The following TAL1 variants were observed in gnomAD, a reference collection of about 807,000 sequenced individuals.
TAL1 encodes the protein T-cell acute lymphocytic leukemia protein 1.
In TAL1, 8 loss-of-function variants were observed where a neutral mutation model predicts 17.9. The ratio of observed to expected loss-of-function variants is 0.45; its 90% CI spans 0.26 to 0.81. The LOEUF (loss-of-function observed/expected upper bound fraction) is 0.81, where lower values mean the gene tolerates loss of function less well. Among genes scored for constraint, TAL1 ranks in the 30% least tolerant of loss-of-function variants. The pLI, the probability that TAL1 is intolerant of heterozygous loss-of-function variation, is 0.17. For missense variants in TAL1, 466 were observed against 486.9 expected, an observed-to-expected ratio of 0.96 and a Z score of 0.40; for synonymous variants, 223 against 218.6, an observed-to-expected ratio of 1.02 and a Z score of -0.18.
rs539277429 is a variant in TAL1, at chr1:47,225,412, AGCCCCTG to A, written c.446+24_446+30del. The A allele has an allele frequency of 7.8e-4, 948 of 1,220,876 alleles. 5 individuals carry two copies. In the African/African-American group the frequency reaches 0.012, roughly 16 times the overall value. The allele number at this position is 1,220,876 out of a possible 1,614,324, so 75.6% of individuals were successfully genotyped here. Reference sequence around the variant, plus strand: ...GGGTGGTCGCCCTGCCCACCCGCCCAGCCCCTGGCCCCTGGCCCCTGGCCCCTGACCT... The same window carrying A: ...GGGTGGTCGCCCTGCCCACCCGCCCAGCCCCTGGCCCCTGGCCCCTGACCT... On this transcript the variant is annotated intron_variant, in intron 2 of 3. Transcript: ENST00000294339.
exon 4 of TAL1, chr1:47,218,448 A>G: frequency 4.3e-6 from 1 of 232,900 alleles, no homozygotes; most frequent in Non-Finnish European, 8.5e-6. Flanking sequence ...CAAAAATTTC[A>G]TGTACAACTT....
chr1:47,225,981 GA>G (rs1199957228), intron 1 of TAL1, 92 bp from the exon 3 acceptor site: 29 of 1,312,002 alleles, frequency 2.2e-5, no homozygotes, highest in Non-Finnish European at 2.6e-5. Flanking sequence ...GAAGGGCAGA[GA>G]GAGGAACTCA....
chr1:47,221,870 C>T (rs1284070687), intron 3 of TAL1, among the ~76,000 whole-genome samples: 1 of 152,202 alleles, frequency 6.6e-6, no homozygotes, highest in Non-Finnish European at 1.5e-5. Context: ...CACAGGCATG[C>T]ACATGCATGT....
chr1:47,225,743 G>A (rs1643898707), exon 2 of TAL1: 1 of 1,537,174 alleles, frequency 6.5e-7, no homozygotes, highest in Non-Finnish European at 8.7e-7. Context: ...GATGACTGGG[G>A]GCTCCGCTGC....
upstream of TAL1, chr1:47,232,280 CCCT>C (rs987161989): frequency 6.1e-6 from 1 of 163,942 alleles, no homozygotes; most frequent in African/African-American, 2.4e-5. Flanking sequence ...CCCGCCCGGC[CCCT>C]CCACCGACGC....
At chr1:47,231,527 A>G (rs191343717), upstream of TAL1, 33 of 234,188 alleles carry the variant, frequency 1.4e-4, no homozygotes, top group Admixed American at 1.6e-3. Flanking sequence ...ACTGCCCAAC[A>G]GGACACAACG....
rs146568445 is a variant in TAL1, at chr1:47,217,079, T to C, written c.*2641A>G. Reference sequence around the variant, plus strand: ...TACTGTCCCTGGCCTTGGAACAAGATAGAAATTAAGACAATCTGGGCTGGG... The same window carrying C: ...TACTGTCCCTGGCCTTGGAACAAGACAGAAATTAAGACAATCTGGGCTGGG... On this transcript the variant is annotated 3_prime_UTR_variant, in exon 4 of 4. Transcript: ENST00000294339. 346 of 233,418 alleles carry C rather than the reference T, an allele frequency of 1.5e-3. 2 individuals are homozygous for C. The highest frequency in any genetic ancestry group is 7.2e-3 in the African/African-American group (327 of 45,386). 14.5% of individuals were successfully genotyped at this position (233,418 alleles called of 1,614,324 possible).
chr1:47,221,755 C>G (rs1381220795), intron 3 of TAL1, among the ~76,000 whole-genome samples: 1 of 152,226 alleles, frequency 6.6e-6, no homozygotes, highest in African/African-American at 2.4e-5. Flanking sequence ...GCTAAGGAGA[C>G]TGAGGCTGGG....
At chr1:47,219,085 G>A (rs1645556812) in exon 4 of TAL1, 1 of 334,682 alleles carries the variant, frequency 3.0e-6, no homozygotes, top group Non-Finnish European at 5.6e-6. Flanking sequence ...AAGAAGTAAG[G>A]GCGACTGGGT....
At chr1:47,231,747 AC>A (rs1644018248), upstream of TAL1, 1 of 233,474 alleles carries the variant, frequency 4.3e-6, no homozygotes, top group Non-Finnish European at 8.5e-6. Context: ...ACATCTACAC[AC>A]CCCAACCGCG....
chr1:47,225,411 C>A, intron 2 of TAL1, 32 bp downstream of exon 3: 1 of 1,226,294 alleles, frequency 8.2e-7, no homozygotes, highest in Non-Finnish European at 1.0e-6. Context: ...CCCACCCGCC[C>A]AGCCCCTGGC....
At chr1:47,219,611 T>A in exon 4 of TAL1, 1 of 1,513,920 alleles carries the variant, frequency 6.6e-7, no homozygotes, top group South Asian at 1.2e-5. Context: ...AAAGTTCAAG[T>A]CCACCGCCTT....
exon 4 of TAL1, chr1:47,216,361 A>G (rs532033194): frequency 8.9e-6 from 2 of 224,392 alleles, no homozygotes; most frequent in East Asian, 1.3e-4. Flanking sequence ...TCATCACCAC[A>G]TGGGTTTTTT....
At chr1:47,225,754 G>A in exon 2 of TAL1, 1 of 1,543,864 alleles carries the variant, frequency 6.5e-7, no homozygotes, top group Non-Finnish European at 8.6e-7. Context: ...GCTCCGCTGC[G>A]GCCGCGCGGC....
chr1:47,223,932 A>T (rs1643870505), intron 3 of TAL1, 72 bp downstream of exon 4: 2 of 1,425,578 alleles, frequency 1.4e-6, no homozygotes, highest in Non-Finnish European at 2.0e-6. Flanking sequence ...GAGTAGTCCC[A>T]GATGTTCCCT....
Position 47,225,434 on chromosome 1 carries a change from G to A in TAL1, c.446+9C>T, listed in dbSNP as rs993102044. On this transcript the variant is annotated intron_variant, in intron 2 of 3. Transcript: ENST00000294339. ...CCCAGCCCCTGGCCCCTGGCCCCTG[G>A]CCCCTGACCTGCCGAGAGAGGCCAG... 76 of 1,230,316 alleles carry A rather than the reference G, an allele frequency of 6.2e-5. No individual in the cohort carries two copies. The African/African-American group carries it at 1.1e-3, about 18-fold the overall frequency. The allele number at this position is 1,230,316 out of a possible 1,614,324, so 76.2% of individuals were successfully genotyped here.
chr1:47,220,067 G>A, exon 4 of TAL1: 2 of 1,614,016 alleles, frequency 1.2e-6, no homozygotes, highest in Non-Finnish European at 1.7e-6. Flanking sequence ...TCCGGGGGAT[G>A]TGTGGGGATC....
At chr1:47,222,567 C>G (rs999953312) in intron 3 of TAL1, among the ~76,000 whole-genome samples, 3 of 152,120 alleles carry the variant, frequency 2.0e-5, no homozygotes, top group East Asian at 3.9e-4. Flanking sequence ...TCTATGGACT[C>G]TTTTTGGGTT....
exon 4 of TAL1, chr1:47,219,450 G>C: frequency 1.5e-6 from 1 of 663,962 alleles, no homozygotes; most frequent in Non-Finnish European, 2.8e-6. Context: ...TACTTGGGAA[G>C]GATTTGGGAC....
Sources: allele counts gnomAD v4.1 joint callset (sites outside exome capture counted in the v4.1 genomes callset), GRCh38; gene constraint gnomAD v4.1.1; transcripts MANE v1.5; gene names NCBI Gene and HGNC (gene_info 2026-07-23, HGNC 2026-07-21).